Variants in CPNE9 observed in about 807,000 individuals in gnomAD.
CPNE9 encodes copine family member 9, also known as copine-9.
A neutral mutation model predicts 83.0 loss-of-function variants in CPNE9; 59 were observed. That is an observed-to-expected ratio of 0.71 (90% confidence interval 0.58 to 0.88). CPNE9 has a LOEUF of 0.88. CPNE9 is among the 40% of genes least tolerant of loss of function. The probability of loss-of-function intolerance (pLI) is 0.00; values close to 1 mark genes in which losing one functional copy is unlikely to be tolerated. For synonymous variants in CPNE9, 256 were observed against 273.4 expected (o/e 0.94, Z 0.63); for missense variants, 619 against 720.8 (o/e 0.86, Z 1.62).
In CPNE9 at chr3:9,703,945, C is replaced by T; in HGVS notation, c.-52C>T. On this transcript the variant is annotated 5_prime_UTR_variant, in exon 1 of 21. Transcript: ENST00000383832. The stretch of plus-strand genomic sequence containing the variant: ...CCCCGCCGCTGCCGTCGCCCCTAGC[C>T]CCAGCAGCCCTGGTCTCGCAGCCTC... 1 of 1,497,248 alleles carries T rather than the reference C, an allele frequency of 6.7e-7. No homozygotes were observed. Among genetic ancestry groups the T allele is most frequent in the South Asian group, 1.2e-5 (1 of 83,074 alleles). The allele number at this position is 1,497,248 out of a possible 1,614,324, so 92.7% of individuals were successfully genotyped here. A position where few individuals can be genotyped will look rare whatever the true frequency, so the allele number is the denominator to read the frequency against.
At chr3:9,717,138 G>C in intron 15 of CPNE9, 34 bp downstream of exon 15, 1 of 1,611,470 alleles carries the variant, frequency 6.2e-7, no homozygotes, top group Non-Finnish European at 8.5e-7. Context: ...GTCGGAGGTG[G>C]GAAGGCACTT....
chr3:9,721,298 C>G (rs2076731787), intron 17 of CPNE9, among the ~76,000 whole-genome samples: 1 of 152,210 alleles, frequency 6.6e-6, no homozygotes, highest in Non-Finnish European at 1.5e-5. Context: ...CTGGGGGAAT[C>G]TGGGGGCATA....
intron 20 of CPNE9, 98 bp downstream of exon 20, chr3:9,727,284 T>A (rs565879474): frequency 7.9e-7 from 1 of 1,262,062 alleles, no homozygotes; most frequent in African/African-American, 1.5e-5. Flanking sequence ...AGTCTCCTAC[T>A]TTTTTCCCCC....
chr3:9,723,188 A>G (rs957977225), intron 17 of CPNE9, among the ~76,000 whole-genome samples: 10 of 152,192 alleles, frequency 6.6e-5, no homozygotes, highest in Non-Finnish European at 7.3e-5. Context: ...AAGGAGAATC[A>G]TGGCTGGCCA....
rs2076654343 is a variant in CPNE9 at position 9,713,978 on chromosome 3, C to A, written c.650+899C>A. ...GTTCCAGCTACTCAGGAGGCTGAGG[C>A]AGGAGAATGGCATGAACCTGGGAAG... On this transcript the variant is annotated intron_variant, in intron 10 of 20. Coordinates refer to ENST00000383832, the MANE Select transcript of CPNE9 (RefSeq NM_153635.3). 3.9e-5 allele frequency among the ~76,000 whole-genome samples: 6 copies of A among 151,984 alleles called. No individual in the cohort carries two copies. The South Asian group carries it at 1.2e-3, about 32-fold the overall frequency.
intron 7 of CPNE9, among the ~76,000 whole-genome samples, chr3:9,707,997 G>A (rs1429995799): frequency 6.6e-6 from 1 of 152,184 alleles, no homozygotes; most frequent in African/African-American, 2.4e-5. Context: ...GGAGCGCGAT[G>A]GTGCAATGGT....
At chr3:9,712,043 C>A (rs986979344) in intron 7 of CPNE9, among the ~76,000 whole-genome samples, 2 of 152,170 alleles carry the variant, frequency 1.3e-5, no homozygotes, top group African/African-American at 4.8e-5. Context: ...CGGAGAGAGC[C>A]AGTTGCCCAA....
intron 16 of CPNE9, 61 bp downstream of exon 16, chr3:9,718,271 AT>A: frequency 1.3e-6 from 2 of 1,510,960 alleles, no homozygotes; most frequent in Non-Finnish European, 1.8e-6. Flanking sequence ...CAAGTTGATG[AT>A]TTTGTTCTGT....
rs199587019 is a variant in CPNE9 at position 9,726,026 on chromosome 3, C to T, written c.1319C>T (p.Thr440Met). ...IITDGVISDM[T>M]QTKEAIVSAS... ...ACTGATGGGGTCATCTCTGACATGACGCAGACCAAGGAGGCCATCGTCAGC... is the reference window on the plus strand; with the variant it reads ...ACTGATGGGGTCATCTCTGACATGATGCAGACCAAGGAGGCCATCGTCAGC... Residue 440 changes from threonine (T) to methionine (M), a missense_variant, in exon 18 of 21, where the codon ACG (threonine) becomes ATG (methionine). By Grantham distance (81) the Thr-to-Met change is moderately conservative. This residue lies in a region of CPNE9 where 438 missense variants were observed against 562.9 expected (regional missense o/e 0.78). Transcript: ENST00000383832. The T allele has an allele frequency of 9.3e-5, 150 of 1,607,628 alleles. No individual in the cohort carries two copies. Among genetic ancestry groups the T allele is most frequent in the African/African-American group, 6.7e-5 (5 of 74,472 alleles).
chr3:9,704,151 A>AC lies in CPNE9; in HGVS notation c.68+92dup. ...GGGGCTCAGCCTGGGCAGGGGCTAG[A>AC]CCCCCGGGGAGAGGCGAAATTGGCT... is the stretch of plus-strand genomic sequence containing the variant. On this transcript the variant is annotated intron_variant, in intron 1 of 20. Coordinates refer to ENST00000383832, the MANE Select transcript of CPNE9 (RefSeq NM_153635.3). This position sits in a 1 kb window ranked among gnomAD's most constrained non-coding sequence, Gnocchi z 7.1. 7.7e-7 allele frequency: 1 copy of AC among 1,294,008 alleles called. No homozygotes were observed. Among genetic ancestry groups the AC allele is most frequent in the Non-Finnish European group, 1.1e-6 (1 of 933,802 alleles). 80.2% of individuals were successfully genotyped at this position (1,294,008 alleles called of 1,614,324 possible).
Position 9,712,710 on chromosome 3 carries a change from T to G in CPNE9, c.442-15T>G. On this transcript the variant is annotated splice_polypyrimidine_tract_variant and intron_variant, in intron 8 of 20. Transcript: ENST00000383832. ...ACAATTGGGGTGCCACCAGCCCAACTTCATCCATCCCTAGGACATTGCCAC... is the reference window on the plus strand; with the variant it reads ...ACAATTGGGGTGCCACCAGCCCAACGTCATCCATCCCTAGGACATTGCCAC... 6.2e-7 allele frequency: 1 copy of G among 1,613,294 alleles called. No homozygotes were observed. Among genetic ancestry groups the G allele is most frequent in the Non-Finnish European group, 8.5e-7 (1 of 1,179,270 alleles).
At position 9,718,249 on chromosome 3, in the gene CPNE9, A is replaced by G. The variant is rs374170455; in HGVS notation, c.1113+39A>G. ...CAGAGCTTACCCTCCGTGCCCTGGCATCTGGTTCACCCAAGTTGATGATTT... is the reference window on the plus strand; with the variant it reads ...CAGAGCTTACCCTCCGTGCCCTGGCGTCTGGTTCACCCAAGTTGATGATTT... On this transcript the variant is annotated intron_variant, in intron 16 of 20. Transcript: ENST00000383832. The G allele has an allele frequency of 5.1e-6, 8 of 1,554,048 alleles. No homozygotes were observed. The African/African-American group carries it at 1.1e-4, about 21-fold the overall frequency.
intron 7 of CPNE9, among the ~76,000 whole-genome samples, chr3:9,712,153 T>C (rs1227173513): frequency 2.1e-4 from 32 of 152,148 alleles, no homozygotes; most frequent in Admixed American, 2.1e-3. Context: ...TGCTTTTCCT[T>C]CCATGCACTC....
rs1045851444 is a variant in CPNE9, at chr3:9,703,879, T to TGCA, written c.-115_-113dup. The TGCA allele has an allele frequency of 3.8e-6, 3 of 791,850 alleles. No homozygotes were observed. Among genetic ancestry groups the TGCA allele is most frequent in the Admixed American group, 7.8e-5 (2 of 25,758 alleles). 49.1% of individuals were successfully genotyped at this position (791,850 alleles called of 1,614,324 possible). A position where few individuals can be genotyped will look rare whatever the true frequency, so the allele number is the denominator to read the frequency against. On this transcript the variant is annotated 5_prime_UTR_variant, in exon 1 of 21. Coordinates refer to ENST00000383832, the MANE Select transcript of CPNE9 (RefSeq NM_153635.3). ...GGAGCGCACGCAGGGCTGGAGCGAG[T>TGCA]GCAGCCGCCGCCGCCGCCGACACCG...
intron 10 of CPNE9, among the ~76,000 whole-genome samples, chr3:9,713,631 G>A (rs2076651003): frequency 6.6e-6 from 1 of 152,130 alleles, no homozygotes; most frequent in South Asian, 2.1e-4. Flanking sequence ...CAAAAAGATA[G>A]GTAGAGTGAC....
intron 7 of CPNE9, among the ~76,000 whole-genome samples, chr3:9,708,017 C>T (rs1426251725): frequency 6.6e-6 from 1 of 152,198 alleles, no homozygotes. Context: ...TAGCTCACTG[C>T]AGCCTCCAGT....
At chr3:9,722,565 T>C (rs2076744332) in intron 17 of CPNE9, among the ~76,000 whole-genome samples, 1 of 151,958 alleles carries the variant, frequency 6.6e-6, no homozygotes, top group African/African-American at 2.4e-5. Flanking sequence ...GGCTGGAGTG[T>C]AGTGGTACCA....
At chr3:9,709,573 G>T (rs116177812) in intron 7 of CPNE9, among the ~76,000 whole-genome samples, 10,917 of 151,394 alleles carry the variant, frequency 0.072, 595 homozygotes, top group African/African-American at 0.15. Context: ...TTTCGCCACC[G>T]TGGCCAGGCT....
In CPNE9 at chr3:9,705,004, C is replaced by T; in HGVS notation, c.260+10C>T. On this transcript the variant is annotated intron_variant, in intron 4 of 20. Transcript: ENST00000383832. ...ATCTGCGCTTCGATGTGTGAGGCCCCGCCTGGAATTCTGGCTTGGCCCGCC... is the reference window on the plus strand; with the variant it reads ...ATCTGCGCTTCGATGTGTGAGGCCCTGCCTGGAATTCTGGCTTGGCCCGCC... The T allele has an allele frequency of 6.3e-7, 1 of 1,594,796 alleles. No homozygotes were observed. The highest frequency in any genetic ancestry group is 8.6e-7 in the Non-Finnish European group (1 of 1,167,932).
Sources: allele counts gnomAD v4.1 joint callset (sites outside exome capture counted in the v4.1 genomes callset), GRCh38; gene constraint gnomAD v4.1.1; regional missense constraint gnomAD v4.1.1; non-coding constraint Gnocchi (gnomAD v3.1); transcripts MANE v1.5; gene names NCBI Gene and HGNC (gene_info 2026-07-23, HGNC 2026-07-21).